Variants in CDH11 observed in about 807,000 individuals in gnomAD.
The protein encoded by CDH11 is cadherin 11, also known as cadherin-11.
CDH11 carries 11 observed loss-of-function variants against 67.8 expected under a neutral mutation model. That is an observed-to-expected ratio of 0.16 (90% CI 0.10 to 0.27). The LOEUF (loss-of-function observed/expected upper bound fraction) is 0.27. CDH11 is among the 10% of genes least tolerant of loss of function. The pLI is 1.00. For synonymous variants in CDH11, 419 were observed against 400.0 expected (o/e 1.05, Z -0.57); for missense variants, 847 against 1,031.2 (o/e 0.82, Z 2.45).
chr16:65,041,135 A>G (rs1433828955), intron 2 of CDH11, among the ~76,000 whole-genome samples: 2 of 152,194 alleles, frequency 1.3e-5, no homozygotes, highest in Non-Finnish European at 2.9e-5. Flanking sequence ...AACACTTTGG[A>G]GTTCCTGGAT....
intron 12 of CDH11, among the ~76,000 whole-genome samples, chr16:64,949,331 C>T (rs1429391985): frequency 1.3e-5 from 2 of 151,984 alleles, no homozygotes; most frequent in African/African-American, 2.4e-5. Flanking sequence ...CCTCTGTCCT[C>T]AGCTGGACAA....
In CDH11 at chr16:64,947,581, G is replaced by A; in HGVS notation, c.*22C>T. On this transcript the variant is annotated 3_prime_UTR_variant, in exon 13 of 13. Coordinates refer to ENST00000268603, the MANE Select transcript of CDH11 (RefSeq NM_001797.4). ...TGAGAACGCCAGACACAGTTCTTAA[G>A]GCCAAATTTGTATCGTTATTGTTAA... 1 of 1,592,944 alleles carries A rather than the reference G, an allele frequency of 6.3e-7. No individual in the cohort carries two copies. The highest frequency in any genetic ancestry group is 8.6e-7 in the Non-Finnish European group (1 of 1,166,412).
intron 2 of CDH11, among the ~76,000 whole-genome samples, chr16:65,044,323 G>T (rs2043965730): frequency 2.0e-5 from 3 of 152,192 alleles, no homozygotes; most frequent in Non-Finnish European, 2.9e-5. Flanking sequence ...ATTAGGAACA[G>T]TAGGCACAGT....
At chr16:64,987,100 C>A (rs1363074420) in intron 7 of CDH11, 2 of 152,192 alleles carry the variant, frequency 1.3e-5, no homozygotes, top group African/African-American at 2.4e-5. Context: ...TTGATTAAAA[C>A]CAAGGTAATC....
chr16:64,996,117 G>C (rs557695766), intron 4 of CDH11, among the ~76,000 whole-genome samples: 154 of 152,224 alleles, frequency 1.0e-3, no homozygotes, highest in Admixed American at 1.9e-3. Flanking sequence ...GGAGAAAAGG[G>C]AACACATATA....
chr16:64,986,390 G>C (rs1011818584), intron 7 of CDH11: 1 of 152,062 alleles, frequency 6.6e-6, no homozygotes, highest in Non-Finnish European at 1.5e-5. Context: ...TTTGCGACGT[G>C]TGAGTTCCAT....
chr16:64,954,123 A>T (rs942754121), intron 11 of CDH11, among the ~76,000 whole-genome samples: 1 of 152,236 alleles, frequency 6.6e-6, no homozygotes, highest in Non-Finnish European at 1.5e-5. Flanking sequence ...ACATTGGCAC[A>T]TGAATTCAAG....
chr16:65,046,135 C>T (rs988773101), intron 2 of CDH11, among the ~76,000 whole-genome samples: 5 of 152,170 alleles, frequency 3.3e-5, no homozygotes, highest in Admixed American at 6.5e-5. Context: ...AATGCTCAGG[C>T]GCTTTGATCT....
chr16:65,029,162 A>T (rs2073590644), intron 2 of CDH11, among the ~76,000 whole-genome samples: 1 of 152,206 alleles, frequency 6.6e-6, no homozygotes, highest in African/African-American at 2.4e-5. Flanking sequence ...TTCTGAGAAG[A>T]AAAGATTTAA....
intron 2 of CDH11, among the ~76,000 whole-genome samples, chr16:65,052,306 G>A (rs1388944122): frequency 3.9e-5 from 6 of 152,132 alleles, no homozygotes; most frequent in Admixed American, 3.9e-4. Flanking sequence ...AACTAAAAAG[G>A]CAATTACAGT....
intron 1 of CDH11, among the ~76,000 whole-genome samples, chr16:65,096,709 G>A (rs1006231181): frequency 6.6e-6 from 1 of 150,808 alleles, no homozygotes; most frequent in Non-Finnish European, 1.5e-5. Context: ...TATATTTGGG[G>A]TGTGTGTGTG....
chr16:65,080,788 T>A (rs566559892), intron 1 of CDH11, among the ~76,000 whole-genome samples: 38 of 152,222 alleles, frequency 2.5e-4, no homozygotes, highest in Admixed American at 5.9e-4. Flanking sequence ...CTCATGATAT[T>A]TTTGAGTTGG....
intron 1 of CDH11, among the ~76,000 whole-genome samples, chr16:65,055,875 C>A (rs527722250): frequency 6.6e-6 from 1 of 152,082 alleles, no homozygotes; most frequent in Non-Finnish European, 1.5e-5. Flanking sequence ...AGAGGTGGGG[C>A]CTATGGGAGG....
chr16:65,084,237 C>T (rs975760711), intron 1 of CDH11, among the ~76,000 whole-genome samples: 1 of 152,088 alleles, frequency 6.6e-6, no homozygotes, highest in Non-Finnish European at 1.5e-5. Context: ...ATCTCTAATC[C>T]CTGCACTTTG....
Position 64,947,433 on chromosome 16 carries a change from G to A in CDH11, c.*170C>T. 7.1e-7 allele frequency: 1 copy of A among 1,417,066 alleles called. No individual in the cohort carries two copies. The highest frequency in any genetic ancestry group is 9.2e-7 in the Non-Finnish European group (1 of 1,086,480). 87.8% of individuals were successfully genotyped at this position (1,417,066 alleles called of 1,614,324 possible). A position where few individuals can be genotyped will look rare whatever the true frequency, so the allele number is the denominator to read the frequency against. ...TTTTTGTGAGAAAAGGTATTTCACA[G>A]TATTTACCACTTTGATGTCCTCGCA... is the stretch of plus-strand genomic sequence containing the variant. On this transcript the variant is annotated 3_prime_UTR_variant, in exon 13 of 13. Transcript: ENST00000268603.
intron 2 of CDH11, among the ~76,000 whole-genome samples, chr16:65,018,194 G>C (rs1425141608): frequency 3.3e-5 from 5 of 152,072 alleles, no homozygotes; most frequent in Non-Finnish European, 7.4e-5. Flanking sequence ...TGGGGCTTCT[G>C]GTCCTGTCAG....
intron 10 of CDH11, 114 bp downstream of exon 10, chr16:64,971,817 T>C: frequency 7.0e-7 from 1 of 1,419,904 alleles, no homozygotes; most frequent in Non-Finnish European, 9.9e-7. Flanking sequence ...AGAACAAAAC[T>C]ATGGCTCTGA....
intron 2 of CDH11, among the ~76,000 whole-genome samples, chr16:65,046,923 T>C (rs1192653533): frequency 2.0e-5 from 3 of 152,086 alleles, no homozygotes; most frequent in Admixed American, 6.5e-5. Context: ...GCCTGGCCGA[T>C]GTAGCAAAAC....
At chr16:64,960,858 AGTTT>A (rs1037823968) in intron 11 of CDH11, among the ~76,000 whole-genome samples, 1 of 152,106 alleles carries the variant, frequency 6.6e-6, no homozygotes, top group Non-Finnish European at 1.5e-5. Flanking sequence ...GGCATTGTCC[AGTTT>A]GTTTATTGAG....
Sources: allele counts gnomAD v4.1 joint callset (sites outside exome capture counted in the v4.1 genomes callset), GRCh38; gene constraint gnomAD v4.1.1; transcripts MANE v1.5; gene names NCBI Gene and HGNC (gene_info 2026-07-23, HGNC 2026-07-21).